GUCY2D: variants seen among roughly 807,000 people sequenced by gnomAD.
The protein encoded by GUCY2D is retinal guanylyl cyclase 1.
A neutral mutation model predicts 101.3 loss-of-function variants in GUCY2D; 70 were observed. That is an observed-to-expected ratio of 0.69 (90% CI 0.57 to 0.84). The LOEUF (loss-of-function observed/expected upper bound fraction) is 0.84, where lower values mean the gene tolerates loss of function less well. Among genes scored for constraint, GUCY2D ranks in the 40% least tolerant of loss-of-function variants. The pLI is 0.00. For missense variants in GUCY2D, 1,460 were observed against 1,542.5 expected, an observed-to-expected ratio of 0.95 and a Z score of 0.90; for synonymous variants, 688 against 670.7, an observed-to-expected ratio of 1.03 and a Z score of -0.40.
rs948178204 is a variant in GUCY2D at position 8,011,846 on chromosome 17, G to A, written c.1750-298G>A. Among the ~76,000 whole-genome samples, 11 of 152,086 alleles carry A rather than the reference G, an allele frequency of 7.2e-5. No homozygotes were observed. Among genetic ancestry groups the A allele is most frequent in the Admixed American group, 3.3e-4 (5 of 15,280 alleles). ...CTCGTGTCTAAAAAAAAAGGCTTAT[G>A]ATCAATAAATCCGAACCTGCCTGGG... is the stretch of plus-strand genomic sequence containing the variant. On this transcript the variant is annotated intron_variant, in intron 8 of 19. Transcript: ENST00000254854. The surrounding 1 kb of genome is among the most constrained non-coding windows in gnomAD (Gnocchi z 4.3).
chr17:8,010,577 C>G (rs376992406), intron 8 of GUCY2D, among the ~76,000 whole-genome samples: 9 of 151,548 alleles, frequency 5.9e-5, no homozygotes, highest in African/African-American at 1.7e-4. Flanking sequence ...GAGGCCGAGG[C>G]GGGCGGATCA....
Position 8,007,135 on chromosome 17 carries a change from A to T in GUCY2D, c.1454A>T (p.His485Leu), listed in dbSNP as rs753166496. 3.1e-6 allele frequency: 5 copies of T among 1,609,960 alleles called. No individual in the cohort carries two copies. The South Asian group carries it at 5.5e-5, about 18-fold the overall frequency. The change falls in exon 5 of 20, where the codon CAT becomes CTT. Residue 485 changes from histidine to leucine, a missense_variant. Coordinates refer to ENST00000254854, the MANE Select transcript of GUCY2D (RefSeq NM_000180.4). ...GMGLAGAFLA[H>L]YVRHRLLHMQ... ...GGGCTGGCTGGGGCCTTCCTGGCCC[A>T]TTATGTGAGGTGAGTAGTGGAATGA... is the stretch of plus-strand genomic sequence containing the variant.
At position 8,007,535 on chromosome 17, in the gene GUCY2D, G is replaced by A. The variant is rs757525165; in HGVS notation, c.1566+7G>A. On this transcript the variant is annotated splice_region_variant and intron_variant, in intron 6 of 19. Coordinates refer to ENST00000254854, the MANE Select transcript of GUCY2D (RefSeq NM_000180.4). ...TGGGGGCACCTCTCGAAAGGTGGGGGAGGCAGAGAGGCAGGAGCCAGTTGT... is the reference window on the plus strand; with the variant it reads ...TGGGGGCACCTCTCGAAAGGTGGGGAAGGCAGAGAGGCAGGAGCCAGTTGT... 2 of 1,509,934 alleles carry A rather than the reference G, an allele frequency of 1.3e-6. No homozygotes were observed. The highest frequency in any genetic ancestry group is 1.4e-5 in the African/African-American group (1 of 72,942). The allele number at this position is 1,509,934 out of a possible 1,614,324, so 93.5% of individuals were successfully genotyped here.
chr17:8,009,495 C>G lies in GUCY2D; in HGVS notation c.1669-11C>G, dbSNP rs1447652323. 6.3e-7 allele frequency: 1 copy of G among 1,599,352 alleles called. No homozygotes were observed. The highest frequency in any genetic ancestry group is 2.2e-5 in the East Asian group (1 of 44,836). ...AGACTGAGTTCCCTACCCCCATCCT[C>G]TTTGCTGCAGGGAGACAGGGTTTGG... On this transcript the variant is annotated splice_polypyrimidine_tract_variant and intron_variant, in intron 7 of 19. Coordinates refer to ENST00000254854, the MANE Select transcript of GUCY2D (RefSeq NM_000180.4).
In GUCY2D at chr17:8,013,014, G is replaced by A. The variant is rs1975886342; in HGVS notation, c.2114-89G>A. 2 of 1,215,832 alleles carry A rather than the reference G, an allele frequency of 1.6e-6. No homozygotes were observed. Among genetic ancestry groups the A allele is most frequent in the Admixed American group, 3.5e-5 (2 of 56,408 alleles). 75.3% of individuals were successfully genotyped at this position (1,215,832 alleles called of 1,614,324 possible). A position where few individuals can be genotyped will look rare whatever the true frequency, so the allele number is the denominator to read the frequency against. ...GTCTCAGACCGGTCTCAGGCTGCAGGGTTGGTGGTGTCTGGGTGCCAACCT... is the reference window on the plus strand; with the variant it reads ...GTCTCAGACCGGTCTCAGGCTGCAGAGTTGGTGGTGTCTGGGTGCCAACCT... On this transcript the variant is annotated intron_variant, in intron 10 of 19. Coordinates refer to ENST00000254854, the MANE Select transcript of GUCY2D (RefSeq NM_000180.4). The surrounding 1 kb of genome is among the most constrained non-coding windows in gnomAD (Gnocchi z 5.0).
rs1290360925 is a variant in GUCY2D at position 8,015,744 on chromosome 17, T to G, written c.2946T>G (p.Gly982=). ...PVRIRIGLHS[G]PCVAGVVGLT... ...CGCCGACCCCCAGCATCTCCACAGG[T>G]CCATGCGTGGCAGGCGTGGTGGGCC... Residue 982 remains glycine (G), a splice_region_variant and synonymous_variant, in exon 16 of 20, where the codon GGT becomes GGG. Coordinates refer to ENST00000254854, the MANE Select transcript of GUCY2D (RefSeq NM_000180.4). 6.2e-7 allele frequency: 1 copy of G among 1,606,532 alleles called. No homozygotes were observed. The highest frequency in any genetic ancestry group is 1.7e-5 in the Admixed American group (1 of 59,418).
In GUCY2D at chr17:8,011,377, TA is replaced by T. The variant is rs34594470; in HGVS notation, c.1750-757del. ...CTGGGTGACAGAGTAAGAATCTGTC[TA>T]AAAAAAAAATACATAAACAAAAGAA... On this transcript the variant is annotated intron_variant, in intron 8 of 19. Transcript: ENST00000254854. This position sits in a 1 kb window ranked among gnomAD's most constrained non-coding sequence, Gnocchi z 4.3. Among the ~76,000 whole-genome samples, 3 of 149,526 alleles carry T rather than the reference TA, an allele frequency of 2.0e-5. No individual in the cohort carries two copies. The highest frequency in any genetic ancestry group is 3.0e-5 in the Non-Finnish European group (2 of 67,304).
Position 8,006,733 on chromosome 17 carries a change from GT to G in GUCY2D, c.1378+20del, listed in dbSNP as rs1311411801. The G allele has an allele frequency of 6.4e-6, 10 of 1,565,970 alleles. No homozygotes were observed. Among genetic ancestry groups the G allele is most frequent in the African/African-American group, 1.4e-5 (1 of 73,816 alleles). ...GGTGGAGGTGAGGGCGAGCACCCCA[GT>G]CCCCACTGAGACAATCGCCATGGAC... On this transcript the variant is annotated intron_variant, in intron 4 of 19. Transcript: ENST00000254854.
At chr17:8,006,216 G>A (rs1975734312) in intron 3 of GUCY2D, 147 bp from the exon 4 acceptor site, 1 of 703,714 alleles carries the variant, frequency 1.4e-6, no homozygotes, top group Non-Finnish European at 2.6e-6. Flanking sequence ...GGGGAGGGAG[G>A]AAGAGATAGC....
intron 19 of GUCY2D, 39 bp from the exon 20 acceptor site, chr17:8,020,089 C>CTTTTTTTTT (rs57273310): frequency 1.2e-4 from 10 of 84,320 alleles, no homozygotes; most frequent in Non-Finnish European, 1.5e-4. Flanking sequence ...CACCTGGCGC[C>CTTTTTTTTT]TTTTTTTTTT....
chr17:8,012,265 G>T lies in GUCY2D; in HGVS notation c.1871G>T (p.Arg624Leu). ...NLAVVSEHCTRGSLQDLLAQR... is the reference protein window; with the variant it reads ...NLAVVSEHCTLGSLQDLLAQR... ...GCTGTGGTCTCAGAGCACTGCACGC[G>T]GGGCTCTCTTCAGGACCTCCTCGCT... The change falls in exon 9 of 20, where the codon CGG becomes CTG. Residue 624 changes from arginine (R) to leucine (L), a missense_variant. By Grantham distance (102) the Arg-to-Leu change is moderately radical. Transcript: ENST00000254854. 1 of 1,613,666 alleles carries T rather than the reference G, an allele frequency of 6.2e-7. No homozygotes were observed. The highest frequency in any genetic ancestry group is 8.5e-7 in the Non-Finnish European group (1 of 1,179,616).
chr17:8,003,806 C>T (rs557241953), intron 2 of GUCY2D, 38 bp downstream of exon 2: 36 of 1,603,338 alleles, frequency 2.2e-5, no homozygotes, highest in Non-Finnish European at 2.7e-5. Context: ...GTCGGCTGGT[C>T]CTGCCGGCAG....
At chr17:8,006,954 C>A in intron 4 of GUCY2D, 106 bp from the exon 5 acceptor site, 2 of 956,624 alleles carry the variant, frequency 2.1e-6, no homozygotes, top group Non-Finnish European at 3.4e-6. Context: ...CCTCTCTGGG[C>A]CCCCATCCCC....
chr17:8,003,263 C>T lies in GUCY2D; in HGVS notation c.216C>T (p.Arg72=), dbSNP rs1345026585. 1 of 1,505,538 alleles carries T rather than the reference C, an allele frequency of 6.6e-7. No homozygotes were observed. Among genetic ancestry groups the T allele is most frequent in the East Asian group, 2.7e-5 (1 of 36,538 alleles). The allele number at this position is 1,505,538 out of a possible 1,614,324, so 93.3% of individuals were successfully genotyped here. The change falls in exon 2 of 20, where the codon CGC becomes CGT. Residue 72 remains arginine (R), a synonymous_variant. Coordinates refer to ENST00000254854, the MANE Select transcript of GUCY2D (RefSeq NM_000180.4). The stretch of plus-strand genomic sequence containing the variant: ...GCGACCCCATCTTCTCTCGGGCTCG[C>T]CCGGACCTGGCCGCCCGCCTGGCCG... ...WACDPIFSRA[R]PDLAARLAAA...
Position 8,016,763 on chromosome 17 carries a change from A to T in GUCY2D, c.*24+209A>T, listed in dbSNP as rs1704590546. The T allele has an allele frequency of 4.5e-5, 25 of 558,972 alleles. No individual in the cohort carries two copies. The East Asian group carries it at 7.4e-4, about 17-fold the overall frequency. 34.6% of individuals were successfully genotyped at this position (558,972 alleles called of 1,614,324 possible). ...TGGTTTGGAAATCCAGGCTTAGGAAACTCCGTAATCGGGGCCTTCTGTGGC... is the reference window on the plus strand; with the variant it reads ...TGGTTTGGAAATCCAGGCTTAGGAATCTCCGTAATCGGGGCCTTCTGTGGC... On this transcript the variant is annotated intron_variant, in intron 19 of 19. Transcript: ENST00000254854.
In GUCY2D at chr17:8,003,987, C is replaced by A; in HGVS notation, c.857C>A (p.Ser286Tyr). 2 of 1,613,626 alleles carry A rather than the reference C, an allele frequency of 1.2e-6. No homozygotes were observed. Among genetic ancestry groups the A allele is most frequent in the Admixed American group, 3.3e-5 (2 of 60,032 alleles). ...LPFDTIHYALSPGPEALAALA... is the reference protein window; with the variant it reads ...LPFDTIHYALYPGPEALAALA... The stretch of plus-strand genomic sequence containing the variant: ...TTCGACACGATCCACTACGCCTTGT[C>A]CCCAGGCCCGGAGGCCTTGGCCGCA... The change falls in exon 3 of 20, where the codon TCC (serine) becomes TAC (tyrosine). Residue 286 changes from serine to tyrosine, a missense_variant. By Grantham distance (144) the Ser-to-Tyr change is moderately radical (BLOSUM62 -2). Coordinates refer to ENST00000254854, the MANE Select transcript of GUCY2D (RefSeq NM_000180.4).
In GUCY2D at chr17:8,014,229, G is replaced by A. The variant is rs147017233; in HGVS notation, c.2412+201G>A. On this transcript the variant is annotated intron_variant, in intron 12 of 19. Transcript: ENST00000254854. The surrounding 1 kb of genome is among the most constrained non-coding windows in gnomAD (Gnocchi z 4.0). ...GGAGGCTTTTGGAGTGGGAGATAGA[G>A]TTCTGTCTGGGTGGGAGGAATATTC... 108 of 638,002 alleles carry A rather than the reference G, an allele frequency of 1.7e-4. No individual in the cohort carries two copies. The highest frequency in any genetic ancestry group is 2.8e-4 in the Non-Finnish European group (99 of 357,262). 39.5% of individuals were successfully genotyped at this position (638,002 alleles called of 1,614,324 possible). A position where few individuals can be genotyped will look rare whatever the true frequency, so the allele number is the denominator to read the frequency against.
intron 17 of GUCY2D, 35 bp downstream of exon 17, chr17:8,016,056 GC>G: frequency 1.9e-6 from 3 of 1,543,248 alleles, no homozygotes; most frequent in Non-Finnish European, 2.7e-6. Context: ...CGGAGGCCCC[GC>G]CCTGTCCTGA....
rs540943749 is a variant in GUCY2D at position 8,009,336 on chromosome 17, G to C, written c.1669-170G>C. On this transcript the variant is annotated intron_variant, in intron 7 of 19. Transcript: ENST00000254854. ...CCAGGGGTGGGCCCTCTCCCAGATG[G>C]CTGTGAAGTGGATGGGCATACATCA... 1.7e-4 allele frequency among the ~76,000 whole-genome samples: 26 copies of C among 152,330 alleles called. No individual in the cohort carries two copies. In the South Asian group the frequency reaches 5.4e-3, roughly 32 times the overall value.
Sources: allele counts gnomAD v4.1 joint callset (sites outside exome capture counted in the v4.1 genomes callset), GRCh38; gene constraint gnomAD v4.1.1; non-coding constraint Gnocchi (gnomAD v3.1); transcripts MANE v1.5; gene names NCBI Gene and HGNC (gene_info 2026-07-23, HGNC 2026-07-21).